The following MLF1 variants were observed in gnomAD, a reference collection of about 807,000 sequenced individuals.
The protein encoded by MLF1 is myelodysplasia-myeloid leukemia factor 1.
A neutral mutation model predicts 38.3 loss-of-function variants in MLF1; 37 were observed. The observed-to-expected ratio is 0.96, with a 90% CI of 0.74 to 1.27. The LOEUF is 1.27. MLF1 is among the 50% of genes most tolerant of loss of function. MLF1 has a pLI of 0.00. For missense variants in MLF1, 331 were observed against 349.2 expected (o/e 0.95, Z 0.42); for synonymous variants, 95 against 106.5 (o/e 0.89, Z 0.66).
At chr3:158,574,831 A>G (rs1715184319) in intron 1 of MLF1, among the ~76,000 whole-genome samples, 1 of 152,222 alleles carries the variant, frequency 6.6e-6, no homozygotes, top group African/African-American at 2.4e-5. Context: ...GAAGTCATTC[A>G]TATGTAAATA....
At chr3:158,597,748 G>A (rs1046296224) in intron 4 of MLF1, among the ~76,000 whole-genome samples, 16 of 152,104 alleles carry the variant, frequency 1.1e-4, no homozygotes, top group African/African-American at 3.9e-4. Context: ...TCACAGGTTT[G>A]GGGGCATAGC....
chr3:158,584,040 T>A (rs1716825801), intron 1 of MLF1, among the ~76,000 whole-genome samples: 1 of 152,154 alleles, frequency 6.6e-6, no homozygotes, highest in Non-Finnish European at 1.5e-5. Context: ...GTCTCAACAG[T>A]TGAACAAAAG....
At chr3:158,581,859 A>C (rs1195512663) in intron 1 of MLF1, among the ~76,000 whole-genome samples, 2 of 152,186 alleles carry the variant, frequency 1.3e-5, no homozygotes, top group African/African-American at 2.4e-5. Flanking sequence ...GAAATTGTAA[A>C]AATAAAATGC....
chr3:158,591,202 C>A (rs1044372687), intron 1 of MLF1: 2 of 445,100 alleles, frequency 4.5e-6, no homozygotes, highest in Non-Finnish European at 8.9e-6. Flanking sequence ...CTCTGTCACC[C>A]CGTCTGGAGT....
intron 1 of MLF1, among the ~76,000 whole-genome samples, chr3:158,585,386 T>C (rs548339063): frequency 3.9e-4 from 60 of 152,296 alleles, no homozygotes; most frequent in African/African-American, 1.4e-3. Context: ...GGAAGCATCC[T>C]GAAGTTCTCA....
At chr3:158,580,289 T>G (rs1349009478) in intron 1 of MLF1, among the ~76,000 whole-genome samples, 1 of 149,930 alleles carries the variant, frequency 6.7e-6, no homozygotes, top group African/African-American at 2.5e-5. Flanking sequence ...ACCCCGGAAC[T>G]TAAAAAAAAA....
chr3:158,576,255 G>C (rs1715406632), intron 1 of MLF1, among the ~76,000 whole-genome samples: 1 of 152,154 alleles, frequency 6.6e-6, no homozygotes, highest in South Asian at 2.1e-4. Context: ...TTACATTACA[G>C]TATATTCAGA....
At chr3:158,579,780 A>G (rs541169810) in intron 1 of MLF1, among the ~76,000 whole-genome samples, 92 of 152,334 alleles carry the variant, frequency 6.0e-4, no homozygotes, top group Non-Finnish European at 1.1e-3. Flanking sequence ...GTCAAATCAC[A>G]TCTACATATC....
At chr3:158,601,961 T>C (rs1719842781) in intron 6 of MLF1, among the ~76,000 whole-genome samples, 1 of 151,578 alleles carries the variant, frequency 6.6e-6, no homozygotes, top group Non-Finnish European at 1.5e-5. Flanking sequence ...GGACTACAGG[T>C]GCCCGCCACC....
intron 3 of MLF1, among the ~76,000 whole-genome samples, chr3:158,594,048 T>A (rs185231380): frequency 1.2e-3 from 182 of 152,264 alleles, no homozygotes; most frequent in African/African-American, 2.9e-3. Flanking sequence ...GGTTTTTTTT[T>A]AATTATTTTG....
rs200248107 is a variant in MLF1 at position 158,602,923 on chromosome 3, C to T, written c.730C>T (p.Arg244Ter). Reference sequence around the variant, plus strand: ...TGTTGGCCATGAGAATCCTGGCTCCCGAGAACTTAAAAGAAGGTAAAAGTT... The same window carrying T: ...TGTTGGCCATGAGAATCCTGGCTCCTGAGAACTTAAAAGAAGGTAAAAGTT... Reference protein sequence around the residue: ...RSVGHENPGSRELKRREKPQQ... With the variant: ...RSVGHENPGS The change falls in exon 7 of 8, where the codon CGA becomes TGA. Residue 244 changes from arginine (R) to a stop codon, truncating the protein, a stop_gained. Transcript: ENST00000466246. LOFTEE classifies it high-confidence loss of function. 7.5e-5 allele frequency: 120 copies of T among 1,610,424 alleles called. 2 individuals carry two copies. In the East Asian group the frequency reaches 1.8e-3, roughly 24 times the overall value.
At chr3:158,581,878 A>C (rs1560098788) in intron 1 of MLF1, among the ~76,000 whole-genome samples, 1 of 152,162 alleles carries the variant, frequency 6.6e-6, no homozygotes, top group Non-Finnish European at 1.5e-5. Flanking sequence ...GCTAGAGACT[A>C]AAAACATTGT....
chr3:158,585,146 G>A (rs765109362), intron 1 of MLF1, among the ~76,000 whole-genome samples: 3 of 152,088 alleles, frequency 2.0e-5, no homozygotes, highest in African/African-American at 4.8e-5. Flanking sequence ...TTGGTAGTGG[G>A]AGTTAATGAG....
At chr3:158,595,046 T>C (rs557707029) in intron 3 of MLF1, among the ~76,000 whole-genome samples, 95 of 152,258 alleles carry the variant, frequency 6.2e-4, no homozygotes, top group African/African-American at 2.2e-3. Flanking sequence ...TTGGGGATAT[T>C]GTAGTAAATA....
At position 158,600,185 on chromosome 3, in the gene MLF1, C is replaced by T; in HGVS notation, c.613+12C>T. 2 of 1,379,828 alleles carry T rather than the reference C, an allele frequency of 1.4e-6. No homozygotes were observed. Among genetic ancestry groups the T allele is most frequent in the East Asian group, 5.4e-5 (2 of 37,030 alleles). The allele number at this position is 1,379,828 out of a possible 1,614,324, so 85.5% of individuals were successfully genotyped here. On this transcript the variant is annotated intron_variant, in intron 6 of 7. Coordinates refer to ENST00000466246, the MANE Select transcript of MLF1 (RefSeq NM_001369783.1). ...CAATATGAATGAAAGTAAGTTATCACAAAAAAATAATATTCTTTCTTATAA... is the reference window on the plus strand; with the variant it reads ...CAATATGAATGAAAGTAAGTTATCATAAAAAAATAATATTCTTTCTTATAA...
At position 158,606,124 on chromosome 3, in the gene MLF1, C is replaced by G. The variant is rs1487468290; in HGVS notation, c.*922C>G. Reference sequence around the variant, plus strand: ...GTTTTTGAGCAACGTCTTAATAATTCAGTTGTTTCTGTTTTAATTATACCA... The same window carrying G: ...GTTTTTGAGCAACGTCTTAATAATTGAGTTGTTTCTGTTTTAATTATACCA... On this transcript the variant is annotated 3_prime_UTR_variant, in exon 8 of 8. Transcript: ENST00000466246. 1.1e-5 allele frequency: 2 copies of G among 180,024 alleles called. No homozygotes were observed. The highest frequency in any genetic ancestry group is 4.7e-5 in the African/African-American group (2 of 42,416). 11.2% of individuals were successfully genotyped at this position (180,024 alleles called of 1,614,324 possible).
At position 158,599,996 on chromosome 3, in the gene MLF1, A is replaced by G. The variant is rs766727537; in HGVS notation, c.454-18A>G. 7.9e-7 allele frequency: 1 copy of G among 1,264,662 alleles called. No individual in the cohort carries two copies. Among genetic ancestry groups the G allele is most frequent in the South Asian group, 2.4e-5 (1 of 40,848 alleles). 78.3% of individuals were successfully genotyped at this position (1,264,662 alleles called of 1,614,324 possible). On this transcript the variant is annotated intron_variant, in intron 5 of 7. Transcript: ENST00000466246. ...CTATATATATTTAAATAATAATAAA[A>G]TTTCTTTATTTTTACAGATAAAGGA... is the stretch of plus-strand genomic sequence containing the variant.
At position 158,596,954 on chromosome 3, in the gene MLF1, T is replaced by C. The variant is rs767662122; in HGVS notation, c.324+9T>C. The C allele has an allele frequency of 1.2e-5, 19 of 1,541,048 alleles. No individual in the cohort carries two copies. The highest frequency in any genetic ancestry group is 2.3e-5 in the East Asian group (1 of 44,210). On this transcript the variant is annotated intron_variant, in intron 4 of 7. Transcript: ENST00000466246. The stretch of plus-strand genomic sequence containing the variant: ...AATTAGAAAGAAACTTCGTAAGTAC[T>C]AAAAACAAAGCATTGAGAACATTGT...
intron 5 of MLF1, among the ~76,000 whole-genome samples, chr3:158,599,068 T>G (rs190064605): frequency 6.6e-6 from 1 of 152,296 alleles, no homozygotes; most frequent in East Asian, 1.9e-4. Context: ...TTCTGAGATT[T>G]ATTCAAGTTG....
Sources: allele counts gnomAD v4.1 joint callset (sites outside exome capture counted in the v4.1 genomes callset), GRCh38; gene constraint gnomAD v4.1.1; transcripts MANE v1.5; gene names NCBI Gene and HGNC (gene_info 2026-07-23, HGNC 2026-07-21).